Variants in RNF224 observed in about 807,000 individuals in gnomAD.
RNF224 encodes ring finger protein 224.
A neutral mutation model predicts 2.9 loss-of-function variants in RNF224; 1 was observed. The observed-to-expected ratio is 0.35, with a 90% CI of 0.12 to 1.66. RNF224 has a LOEUF of 1.66. Ranked by LOEUF, RNF224 falls within the 40% of genes most tolerant of loss-of-function variation. The probability of loss-of-function intolerance (pLI) is 0.35; values close to 1 mark genes in which losing one functional copy is unlikely to be tolerated. For missense variants in RNF224, 254 were observed against 221.8 expected (o/e 1.15, Z -0.92); for synonymous variants, 116 against 97.6 (o/e 1.19, Z -1.11).
In RNF224 at chr9:137,228,296, C is replaced by T. The variant is rs749759200; in HGVS notation, c.-40C>T. Reference sequence around the variant, plus strand: ...GCCCTGGGTCCCCCACTCCCTTCTCCGGCCACCCCGTGGCTGTGCATAGCT... The same window carrying T: ...GCCCTGGGTCCCCCACTCCCTTCTCTGGCCACCCCGTGGCTGTGCATAGCT... On this transcript the variant is annotated 5_prime_UTR_variant, in exon 2 of 3. Coordinates refer to ENST00000445101, the MANE Select transcript of RNF224 (RefSeq NM_001190228.2). 7.5e-5 allele frequency: 115 copies of T among 1,528,490 alleles called. No homozygotes were observed. The highest frequency in any genetic ancestry group is 2.4e-4 in the South Asian group (20 of 83,564). The allele number at this position is 1,528,490 out of a possible 1,614,324, so 94.7% of individuals were successfully genotyped here.
rs868258879 is a variant in RNF224 at position 137,228,701 on chromosome 9, C to T, written c.86C>T (p.Ser29Leu). ...EERTDCIICC[S>L]AYDLSGHLPR... ...AGGACAGACTGCATCATCTGCTGCT[C>T]GGCCTATGACCTCTCCGGGCACCTG... Residue 29 changes from serine to leucine, a missense_variant, in exon 3 of 3, where the codon TCG (serine) becomes TTG (leucine). By Grantham distance (145) the Ser-to-Leu change is moderately radical (BLOSUM62 -2). Transcript: ENST00000445101. 63 of 1,516,984 alleles carry T rather than the reference C, an allele frequency of 4.2e-5. 1 individual carries two copies. The East Asian group carries it at 8.4e-4, about 20-fold the overall frequency. The allele number at this position is 1,516,984 out of a possible 1,614,324, so 94.0% of individuals were successfully genotyped here.
intron 1 of RNF224, 41 bp from the exon 2 acceptor site, chr9:137,228,111 C>T (rs894056977): frequency 1.9e-5 from 9 of 469,628 alleles, no homozygotes; most frequent in South Asian, 1.4e-4. Context: ...GGGCAGGGGG[C>T]GGGGGGCACC....
Position 137,228,659 on chromosome 9 carries a change from G to C in RNF224, c.44G>C (p.Gly15Ala). 6.9e-7 allele frequency: 1 copy of C among 1,459,844 alleles called. No individual in the cohort carries two copies. Among genetic ancestry groups the C allele is most frequent in the South Asian group, 1.4e-5 (1 of 73,742 alleles). 90.4% of individuals were successfully genotyped at this position (1,459,844 alleles called of 1,614,324 possible). A position where few individuals can be genotyped will look rare whatever the true frequency, so the allele number is the denominator to read the frequency against. ...AAGGPPGLGG[G>A]GPPEERTDCI... Reference sequence around the variant, plus strand: ...GGAGGGCCCCCAGGCCTCGGAGGAGGGGGGCCCCCGGAGGAGAGGACAGAC... The same window carrying C: ...GGAGGGCCCCCAGGCCTCGGAGGAGCGGGGCCCCCGGAGGAGAGGACAGAC... The change falls in exon 3 of 3, where the codon GGG becomes GCG. Residue 15 changes from glycine to alanine, a missense_variant. Transcript: ENST00000445101.
rs1289803283 is a variant in RNF224, at chr9:137,229,443, C to G, written c.*357C>G. 1 of 280,060 alleles carries G rather than the reference C, an allele frequency of 3.6e-6. No individual in the cohort carries two copies. The highest frequency in any genetic ancestry group is 4.8e-5 in the Admixed American group (1 of 20,848). 17.3% of individuals were successfully genotyped at this position (280,060 alleles called of 1,614,324 possible). A position where few individuals can be genotyped will look rare whatever the true frequency, so the allele number is the denominator to read the frequency against. On this transcript the variant is annotated 3_prime_UTR_variant, in exon 3 of 3. Coordinates refer to ENST00000445101, the MANE Select transcript of RNF224 (RefSeq NM_001190228.2). ...GATGGCTCCCAAGAGGATGCGAAGG[C>G]GTCCCGGGGGCCTGGGCTGCAGGCT...
Position 137,228,698 on chromosome 9 carries a change from G to T in RNF224, c.83G>T (p.Cys28Phe). The T allele has an allele frequency of 6.6e-7, 1 of 1,515,882 alleles. No homozygotes were observed. Among genetic ancestry groups the T allele is most frequent in the Non-Finnish European group, 8.8e-7 (1 of 1,133,994 alleles). 93.9% of individuals were successfully genotyped at this position (1,515,882 alleles called of 1,614,324 possible). The change falls in exon 3 of 3, where the codon TGC (cysteine) becomes TTC (phenylalanine). Residue 28 changes from cysteine to phenylalanine, a missense_variant. Transcript: ENST00000445101. ...GAGAGGACAGACTGCATCATCTGCTGCTCGGCCTATGACCTCTCCGGGCAC... is the reference window on the plus strand; with the variant it reads ...GAGAGGACAGACTGCATCATCTGCTTCTCGGCCTATGACCTCTCCGGGCAC... ...PEERTDCIICCSAYDLSGHLP... is the reference protein window; with the variant it reads ...PEERTDCIICFSAYDLSGHLP...
Position 137,228,301 on chromosome 9 carries a change from AC to A in RNF224, c.-31del, listed in dbSNP as rs1242682469. The A allele has an allele frequency of 1.3e-6, 2 of 1,527,610 alleles. No homozygotes were observed. Among genetic ancestry groups the A allele is most frequent in the Non-Finnish European group, 1.7e-6 (2 of 1,143,238 alleles). The allele number at this position is 1,527,610 out of a possible 1,614,324, so 94.6% of individuals were successfully genotyped here. ...GGGTCCCCCACTCCCTTCTCCGGCC[AC>A]CCCGTGGCTGTGCATAGCTGCCCAG... On this transcript the variant is annotated 5_prime_UTR_variant, in exon 2 of 3. The change creates a premature stop within an existing upstream ORF in the 5' untranslated region. Coordinates refer to ENST00000445101, the MANE Select transcript of RNF224 (RefSeq NM_001190228.2).
intron 2 of RNF224, 51 bp downstream of exon 2, chr9:137,228,392 G>A (rs531476897): frequency 7.0e-7 from 1 of 1,433,814 alleles, no homozygotes; most frequent in South Asian, 1.4e-5. Flanking sequence ...CTGGAGCTGG[G>A]CCAGGGTGGT....
Position 137,228,273 on chromosome 9 carries a change from C to T in RNF224, c.-63C>T. ...AACCCAGGAGGGAGCCGCAGGGCGC[C>T]CTGGGTCCCCCACTCCCTTCTCCGG... On this transcript the variant is annotated 5_prime_UTR_variant, in exon 2 of 3. Coordinates refer to ENST00000445101, the MANE Select transcript of RNF224 (RefSeq NM_001190228.2). 7 of 1,520,890 alleles carry T rather than the reference C, an allele frequency of 4.6e-6. No individual in the cohort carries two copies. The South Asian group carries it at 6.0e-5, about 13-fold the overall frequency. The allele number at this position is 1,520,890 out of a possible 1,614,324, so 94.2% of individuals were successfully genotyped here. A position where few individuals can be genotyped will look rare whatever the true frequency, so the allele number is the denominator to read the frequency against.
rs1012303348 is a variant in RNF224, at chr9:137,228,327, G to A, written c.-9G>A. The A allele has an allele frequency of 3.6e-5, 55 of 1,518,778 alleles. No individual in the cohort carries two copies. Among genetic ancestry groups the A allele is most frequent in the Non-Finnish European group, 4.6e-5 (52 of 1,138,696 alleles). The allele number at this position is 1,518,778 out of a possible 1,614,324, so 94.1% of individuals were successfully genotyped here. On this transcript the variant is annotated 5_prime_UTR_variant, in exon 2 of 3. Transcript: ENST00000445101. ...CCCCGTGGCTGTGCATAGCTGCCCA[G>A]CAGAGCCCATGCAGGTAAGAGGCCT... is the stretch of plus-strand genomic sequence containing the variant.
At position 137,229,326 on chromosome 9, in the gene RNF224, G is replaced by A; in HGVS notation, c.*240G>A. On this transcript the variant is annotated 3_prime_UTR_variant, in exon 3 of 3. Coordinates refer to ENST00000445101, the MANE Select transcript of RNF224 (RefSeq NM_001190228.2). The stretch of plus-strand genomic sequence containing the variant: ...CCACCTGTCCTGGCCACAATTACCA[G>A]ACCCCAGACTAGCCCGACCGGATGT... 1 of 573,176 alleles carries A rather than the reference G, an allele frequency of 1.7e-6. No individual in the cohort carries two copies. The highest frequency in any genetic ancestry group is 3.1e-6 in the Non-Finnish European group (1 of 320,120). 35.5% of individuals were successfully genotyped at this position (573,176 alleles called of 1,614,324 possible).
In RNF224 at chr9:137,228,756, C is replaced by CTGCCAG; in HGVS notation, c.142_147dup (p.Cys48_Gln49dup). The CTGCCAG allele has an allele frequency of 6.5e-7, 1 of 1,532,996 alleles. No homozygotes were observed. The highest frequency in any genetic ancestry group is 2.0e-5 in the Admixed American group (1 of 50,914). 95.0% of individuals were successfully genotyped at this position (1,532,996 alleles called of 1,614,324 possible). Reference sequence around the variant, plus strand: ...GCCGCCTCTACTGTGGACACACCTTCTGCCAGGCGTGTGTGCGGCGGCTGG... The same window carrying CTGCCAG: ...GCCGCCTCTACTGTGGACACACCTTCTGCCAGTGCCAGGCGTGTGTGCGGCGGCTGG... On this transcript the variant is annotated inframe_insertion, in exon 3 of 3. Transcript: ENST00000445101.
rs1198183479 is a variant in RNF224 at position 137,228,614 on chromosome 9, T to C, written c.7-8T>C. The C allele has an allele frequency of 3.5e-6, 5 of 1,437,560 alleles. No homozygotes were observed. In the Admixed American group the frequency reaches 1.1e-4, roughly 31 times the overall value. 89.1% of individuals were successfully genotyped at this position (1,437,560 alleles called of 1,614,324 possible). Reference sequence around the variant, plus strand: ...GCAGGCTGTCCACCGCTGGCTTCCCTCTGGCAGGATGCTGCAGCCGGAGGG... The same window carrying C: ...GCAGGCTGTCCACCGCTGGCTTCCCCCTGGCAGGATGCTGCAGCCGGAGGG... On this transcript the variant is annotated splice_polypyrimidine_tract_variant and splice_region_variant and intron_variant, in intron 2 of 2. Transcript: ENST00000445101.
chr9:137,228,248 A>T lies in RNF224; in HGVS notation c.-88A>T. ...GACTCCCGTGCAAGGCCAGTAATGCAACCCAGGAGGGAGCCGCAGGGCGCC... is the reference window on the plus strand; with the variant it reads ...GACTCCCGTGCAAGGCCAGTAATGCTACCCAGGAGGGAGCCGCAGGGCGCC... On this transcript the variant is annotated 5_prime_UTR_variant, in exon 2 of 3. Coordinates refer to ENST00000445101, the MANE Select transcript of RNF224 (RefSeq NM_001190228.2). The T allele has an allele frequency of 8.0e-6, 11 of 1,366,712 alleles. No individual in the cohort carries two copies. The highest frequency in any genetic ancestry group is 1.1e-5 in the Non-Finnish European group (11 of 998,550). The allele number at this position is 1,366,712 out of a possible 1,614,324, so 84.7% of individuals were successfully genotyped here. A position where few individuals can be genotyped will look rare whatever the true frequency, so the allele number is the denominator to read the frequency against.
At position 137,229,160 on chromosome 9, in the gene RNF224, G is replaced by A; in HGVS notation, c.*74G>A. ...CTGACCACACACCATCATGGGTTCAGCCCACTCAGAACAACCTGGCAGTAG... is the reference window on the plus strand; with the variant it reads ...CTGACCACACACCATCATGGGTTCAACCCACTCAGAACAACCTGGCAGTAG... On this transcript the variant is annotated 3_prime_UTR_variant, in exon 3 of 3. Coordinates refer to ENST00000445101, the MANE Select transcript of RNF224 (RefSeq NM_001190228.2). 1 of 886,464 alleles carries A rather than the reference G, an allele frequency of 1.1e-6. No individual in the cohort carries two copies. Among genetic ancestry groups the A allele is most frequent in the Non-Finnish European group, 1.7e-6 (1 of 580,320 alleles). The allele number at this position is 886,464 out of a possible 1,614,324, so 54.9% of individuals were successfully genotyped here. A position where few individuals can be genotyped will look rare whatever the true frequency, so the allele number is the denominator to read the frequency against.
chr9:137,229,124 C>A lies in RNF224; in HGVS notation c.*38C>A. 1 of 1,206,884 alleles carries A rather than the reference C, an allele frequency of 8.3e-7. No homozygotes were observed. The highest frequency in any genetic ancestry group is 1.2e-6 in the Non-Finnish European group (1 of 858,456). The allele number at this position is 1,206,884 out of a possible 1,614,324, so 74.8% of individuals were successfully genotyped here. A position where few individuals can be genotyped will look rare whatever the true frequency, so the allele number is the denominator to read the frequency against. On this transcript the variant is annotated 3_prime_UTR_variant, in exon 3 of 3. Coordinates refer to ENST00000445101, the MANE Select transcript of RNF224 (RefSeq NM_001190228.2). ...CCCACCCCTGCAGGGGAAATGCCTG[C>A]CTTGGAACCCCTGACCACACACCAT...
Position 137,228,868 on chromosome 9 carries a change from G to A in RNF224, c.253G>A (p.Asp85Asn). The A allele has an allele frequency of 6.5e-7, 1 of 1,535,750 alleles. No homozygotes were observed. The highest frequency in any genetic ancestry group is 8.7e-7 in the Non-Finnish European group (1 of 1,146,816). ...PTPRGGVAMLDLDLAAFLAVK... is the reference protein window; with the variant it reads ...PTPRGGVAMLNLDLAAFLAVK... ...GCCTCGCGGAGGGGTGGCCATGCTA[G>A]ACCTGGACCTGGCTGCTTTCCTGGC... The change falls in exon 3 of 3, where the codon GAC (aspartate) becomes AAC (asparagine). Residue 85 changes from aspartate to asparagine, a missense_variant. Coordinates refer to ENST00000445101, the MANE Select transcript of RNF224 (RefSeq NM_001190228.2).
Position 137,228,533 on chromosome 9 carries a change from G to A in RNF224, c.7-89G>A, listed in dbSNP as rs1366408506. 8 of 1,190,616 alleles carry A rather than the reference G, an allele frequency of 6.7e-6. No homozygotes were observed. In the East Asian group the frequency reaches 2.1e-4, roughly 31 times the overall value. The allele number at this position is 1,190,616 out of a possible 1,614,324, so 73.8% of individuals were successfully genotyped here. ...CACCACCCCCACAGACCCAGCGCCTGACCTCTGGGGTGGGCTCCTGGGGCC... is the reference window on the plus strand; with the variant it reads ...CACCACCCCCACAGACCCAGCGCCTAACCTCTGGGGTGGGCTCCTGGGGCC... On this transcript the variant is annotated intron_variant, in intron 2 of 2. Transcript: ENST00000445101.
rs1053410191 is a variant in RNF224 at position 137,229,430 on chromosome 9, G to C, written c.*344G>C. The C allele has an allele frequency of 3.1e-6, 1 of 322,828 alleles. No homozygotes were observed. Among genetic ancestry groups the C allele is most frequent in the Non-Finnish European group, 5.8e-6 (1 of 170,942 alleles). 20.0% of individuals were successfully genotyped at this position (322,828 alleles called of 1,614,324 possible). A position where few individuals can be genotyped will look rare whatever the true frequency, so the allele number is the denominator to read the frequency against. On this transcript the variant is annotated 3_prime_UTR_variant, in exon 3 of 3. Transcript: ENST00000445101. ...ACGCAGCGCAAAGGATGGCTCCCAAGAGGATGCGAAGGCGTCCCGGGGGCC... is the reference window on the plus strand; with the variant it reads ...ACGCAGCGCAAAGGATGGCTCCCAACAGGATGCGAAGGCGTCCCGGGGGCC...
Position 137,229,323 on chromosome 9 carries a change from C to A in RNF224, c.*237C>A, listed in dbSNP as rs1836068557. ...CTCCCACCTGTCCTGGCCACAATTA[C>A]CAGACCCCAGACTAGCCCGACCGGA... On this transcript the variant is annotated 3_prime_UTR_variant, in exon 3 of 3. Coordinates refer to ENST00000445101, the MANE Select transcript of RNF224 (RefSeq NM_001190228.2). 1 of 573,514 alleles carries A rather than the reference C, an allele frequency of 1.7e-6. No homozygotes were observed. Among genetic ancestry groups the A allele is most frequent in the African/African-American group, 1.9e-5 (1 of 53,598 alleles). 35.5% of individuals were successfully genotyped at this position (573,514 alleles called of 1,614,324 possible).
Sources: gnomAD v4.1 joint callset for allele counts on GRCh38, gnomAD v4.1.1 for gene constraint, MANE v1.5 for transcripts, NCBI Gene and HGNC (gene_info 2026-07-23, HGNC 2026-07-21) for gene names.